The following TNFAIP2 variants were observed in gnomAD, a reference collection of about 807,000 sequenced individuals.
TNFAIP2 encodes TNF alpha induced protein 2, also known as tumor necrosis factor alpha-induced protein 2.
A neutral mutation model predicts 63.5 loss-of-function variants in TNFAIP2; 47 were observed. The ratio of observed to expected loss-of-function variants is 0.74; its 90% CI spans 0.59 to 0.94. TNFAIP2 has a LOEUF of 0.94. TNFAIP2 is among the 40% of genes least tolerant of loss of function. TNFAIP2 has a pLI of 0.00. For synonymous variants in TNFAIP2, 405 were observed against 390.2 expected (o/e 1.04, Z -0.45); for missense variants, 787 against 850.2 (o/e 0.93, Z 0.92).
Position 103,135,602 on chromosome 14 carries a change from A to C in TNFAIP2, c.*242A>C, listed in dbSNP as rs1469112609. On this transcript the variant is annotated 3_prime_UTR_variant, in exon 12 of 12. Coordinates refer to ENST00000560869, the MANE Select transcript of TNFAIP2 (RefSeq NM_006291.4). This position sits in a 1 kb window ranked among gnomAD's most constrained non-coding sequence, Gnocchi z 7.6. Reference sequence around the variant, plus strand: ...CTGGGCAGCCAACCAGGCAACACCAAGGACTCTTTGTAAACGATAGCTGAT... The same window carrying C: ...CTGGGCAGCCAACCAGGCAACACCACGGACTCTTTGTAAACGATAGCTGAT... The C allele has an allele frequency of 7.1e-7, 1 of 1,398,808 alleles. No homozygotes were observed. The highest frequency in any genetic ancestry group is 9.3e-7 in the Non-Finnish European group (1 of 1,077,262). The allele number at this position is 1,398,808 out of a possible 1,614,324, so 86.6% of individuals were successfully genotyped here.
At position 103,127,338 on chromosome 14, in the gene TNFAIP2, G is replaced by GGCGGC; in HGVS notation, c.576_580dup (p.Val194AlafsTer33). On this transcript the variant is annotated frameshift_variant, in exon 3 of 12. Transcript: ENST00000560869. LOFTEE classifies it high-confidence loss of function. This position sits in a 1 kb window ranked among gnomAD's most constrained non-coding sequence, Gnocchi z 5.1. ...CGCCCGCGGCGCTGGCTGCAGCTGT[G>GGCGGC]GCGGCGCGGCGTGGCGGAGGCGGCC... is the stretch of plus-strand genomic sequence containing the variant. 8.7e-7 allele frequency: 1 copy of GGCGGC among 1,147,996 alleles called. No homozygotes were observed. Among genetic ancestry groups the GGCGGC allele is most frequent in the Non-Finnish European group, 1.1e-6 (1 of 930,738 alleles). 71.1% of individuals were successfully genotyped at this position (1,147,996 alleles called of 1,614,324 possible).
intron 1 of TNFAIP2, chr14:103,124,382 G>A (rs1002696918): frequency 6.6e-6 from 1 of 152,382 alleles, no homozygotes; most frequent in Non-Finnish European, 1.5e-5. Flanking sequence ...CAGCTGCCTC[G>A]GAGAGCGGAG....
rs2087946964 is a variant in TNFAIP2 at position 103,130,336 on chromosome 14, A to C, written c.1120A>C (p.Lys374Gln). 4 of 1,563,990 alleles carry C rather than the reference A, an allele frequency of 2.6e-6. No individual in the cohort carries two copies. Among genetic ancestry groups the C allele is most frequent in the Middle Eastern group, 1.7e-4 (1 of 5,974 alleles). Residue 374 changes from lysine (K) to glutamine (Q), a missense_variant, in exon 6 of 12, where the codon AAG becomes CAG. Transcript: ENST00000560869. ...GCAGATCACCTCCCAGGCCCAGGCC[A>C]AGGCCGAGAGCATCACGCTGGACTT... ...IIQITSQAQA[K>Q]AESITLDLGS...
chr14:103,131,714 G>C lies in TNFAIP2; in HGVS notation c.1374G>C (p.Lys458Asn). The C allele has an allele frequency of 6.2e-7, 1 of 1,611,568 alleles. No homozygotes were observed. The highest frequency in any genetic ancestry group is 8.5e-7 in the Non-Finnish European group (1 of 1,179,784). Residue 458 changes from lysine (K) to asparagine (N), a missense_variant, in exon 8 of 12, where the codon AAG becomes AAC. By Grantham distance (94) the Lys-to-Asn change is moderately conservative. Around this residue, in one of 3 missense-constraint regions of TNFAIP2, gnomAD observed 523 missense variants for 604.1 expected, o/e 0.87. Coordinates refer to ENST00000560869, the MANE Select transcript of TNFAIP2 (RefSeq NM_006291.4). The surrounding 1 kb of genome is among the most constrained non-coding windows in gnomAD (Gnocchi z 4.0). Reference sequence around the variant, plus strand: ...TGCTGGGCCCCCTGGGTGAGCTCAAGAGCCACGGCTTTGACACCCTGCTCC... The same window carrying C: ...TGCTGGGCCCCCTGGGTGAGCTCAACAGCCACGGCTTTGACACCCTGCTCC... ...SLLLGPLGEL[K>N]SHGFDTLLQN...
Position 103,127,111 on chromosome 14 carries a change from C to T in TNFAIP2, c.342C>T (p.Ser114=). 3 of 1,100,376 alleles carry T rather than the reference C, an allele frequency of 2.7e-6. No homozygotes were observed. Among genetic ancestry groups the T allele is most frequent in the East Asian group, 5.5e-5 (1 of 18,218 alleles). The allele number at this position is 1,100,376 out of a possible 1,614,324, so 68.2% of individuals were successfully genotyped here. A position where few individuals can be genotyped will look rare whatever the true frequency, so the allele number is the denominator to read the frequency against. The part of the protein sequence containing the change: ...LAAAAAAGGV[S]EEELVRRQSK... ...CGGCGGCGGCGGCGGGCGGTGTGAGCGAGGAGGAGCTGGTGCGGCGCCAGA... is the reference window on the plus strand; with the variant it reads ...CGGCGGCGGCGGCGGGCGGTGTGAGTGAGGAGGAGCTGGTGCGGCGCCAGA... Residue 114 remains serine (S), a synonymous_variant, in exon 3 of 12, where the codon AGC becomes AGT. Transcript: ENST00000560869. The surrounding 1 kb of genome is among the most constrained non-coding windows in gnomAD (Gnocchi z 5.1).
chr14:103,130,318 A>G lies in TNFAIP2; in HGVS notation c.1102A>G (p.Thr368Ala). The G allele has an allele frequency of 6.4e-7, 1 of 1,555,840 alleles. No homozygotes were observed. Among genetic ancestry groups the G allele is most frequent in the East Asian group, 2.4e-5 (1 of 41,576 alleles). ...CTCACCCACCACCACCCTGCAGATC[A>G]CCTCCCAGGCCCAGGCCAAGGCCGA... Reference protein sequence around the residue: ...SELAIDIIQITSQAQAKAESI... With the variant: ...SELAIDIIQIASQAQAKAESI... The change falls in exon 6 of 12, where the codon ACC (threonine) becomes GCC (alanine). Residue 368 changes from threonine to alanine, a missense_variant. Coordinates refer to ENST00000560869, the MANE Select transcript of TNFAIP2 (RefSeq NM_006291.4).
chr14:103,126,841 G>A, intron 2 of TNFAIP2, 149 bp downstream of exon 2: 2 of 1,334,308 alleles, frequency 1.5e-6, no homozygotes, highest in Non-Finnish European at 2.0e-6. Context: ...CAATCTGGGG[G>A]GCTGGGAGGC....
At chr14:103,126,252 G>A (rs2087849397) in intron 1 of TNFAIP2, 58 bp from the exon 2 acceptor site, 1 of 527,480 alleles carries the variant, frequency 1.9e-6, no homozygotes, top group East Asian at 3.3e-5. Flanking sequence ...TGTGTGTCCA[G>A]CCTGGGAGCC....
At chr14:103,122,759 C>T (rs1177787315), upstream of TNFAIP2, 2 of 455,234 alleles carry the variant, frequency 4.4e-6, no homozygotes, top group African/African-American at 2.0e-5. Context: ...GGGTCCAGCC[C>T]CAGCCCCAGA....
chr14:103,133,746 AC>A lies in TNFAIP2; in HGVS notation c.1770del (p.Ser591ValfsTer22). The A allele has an allele frequency of 1.3e-6, 2 of 1,596,146 alleles. No homozygotes were observed. The highest frequency in any genetic ancestry group is 1.8e-5 in the Admixed American group (1 of 56,350). On this transcript the variant is annotated frameshift_variant, in exon 11 of 12. Transcript: ENST00000560869. LOFTEE classifies it high-confidence loss of function. Reference protein sequence around the residue: ...PTLAEIIRLQDPSAIKIEVAT... With the variant: ...PTLAEIIRLQXPSAIKIEVAT... ...CTGGCCGAGATCATTCGCCTGCAGGACCCCAGTGCCATCAAGATTGAGGTGG... is the reference window on the plus strand; with the variant it reads ...CTGGCCGAGATCATTCGCCTGCAGGACCCAGTGCCATCAAGATTGAGGTGG...
rs768648937 is a variant in TNFAIP2, at chr14:103,131,079, GGA to G, written c.1233_1234del (p.Gly412GlnfsTer44). 6.2e-7 allele frequency: 1 copy of G among 1,614,196 alleles called. No individual in the cohort carries two copies. Among genetic ancestry groups the G allele is most frequent in the East Asian group, 2.2e-5 (1 of 44,886 alleles). ...SYQRAFNEFL[E>X]RGKQLTNYRA... ...ACCAGCGCGCCTTTAATGAATTTCT[GGA>G]GAGAGGCAAGCAGCTGACGAATTAC... On this transcript the variant is annotated frameshift_variant, in exon 7 of 12. Coordinates refer to ENST00000560869, the MANE Select transcript of TNFAIP2 (RefSeq NM_006291.4). LOFTEE classifies it high-confidence loss of function. The surrounding 1 kb of genome is among the most constrained non-coding windows in gnomAD (Gnocchi z 4.0).
rs967106334 is a variant in TNFAIP2 at position 103,127,269 on chromosome 14, A to AGGC, written c.512_514dup (p.Ala171dup). ...GCGGAGCAGGAGCGCGAGGACCGCC[A>AGGC]GGCGGCGGCGGCGGGGCCGGGGACC... On this transcript the variant is annotated inframe_insertion, in exon 3 of 12. Coordinates refer to ENST00000560869, the MANE Select transcript of TNFAIP2 (RefSeq NM_006291.4). This position sits in a 1 kb window ranked among gnomAD's most constrained non-coding sequence, Gnocchi z 5.1. 180 of 997,330 alleles carry AGGC rather than the reference A, an allele frequency of 1.8e-4. 2 individuals are homozygous for AGGC. The highest frequency in any genetic ancestry group is 3.2e-4 in the South Asian group (7 of 22,148). 61.8% of individuals were successfully genotyped at this position (997,330 alleles called of 1,614,324 possible).
chr14:103,130,692 A>T (rs1595282684), intron 6 of TNFAIP2, among the ~76,000 whole-genome samples: 1 of 152,120 alleles, frequency 6.6e-6, no homozygotes, highest in Non-Finnish European at 1.5e-5. Context: ...CCCAGGAGGG[A>T]CTGAGACCCC....
chr14:103,133,912 G>A (rs1012787054), intron 11 of TNFAIP2, 109 bp downstream of exon 11: 7 of 1,368,224 alleles, frequency 5.1e-6, no homozygotes, highest in Non-Finnish European at 6.8e-6. Context: ...GCCAGTCACT[G>A]TGTGAACCTC....
chr14:103,134,932 G>T (rs532208983), intron 11 of TNFAIP2, among the ~76,000 whole-genome samples: 3 of 152,346 alleles, frequency 2.0e-5, no homozygotes, highest in East Asian at 3.9e-4. Flanking sequence ...AAAGCCTTTT[G>T]GGGGTGGACA....
chr14:103,129,620 G>T (rs1416904179), intron 3 of TNFAIP2, 120 bp from the exon 4 acceptor site: 13 of 807,340 alleles, frequency 1.6e-5, no homozygotes, highest in Non-Finnish European at 2.7e-5. Flanking sequence ...GTGGGGGTGC[G>T]GGAGGGTGTG....
chr14:103,131,133 C>G lies in TNFAIP2; in HGVS notation c.1281C>G (p.Asn427Lys), dbSNP rs2087963340. ...NYRANVIANI[N>K]NCLSFRMSME... Reference sequence around the variant, plus strand: ...GGGCCAATGTTATTGCCAACATCAACAACTGCCTGTCCTTCCGGTGAGAGT... The same window carrying G: ...GGGCCAATGTTATTGCCAACATCAAGAACTGCCTGTCCTTCCGGTGAGAGT... Residue 427 changes from asparagine (N) to lysine (K), a missense_variant, in exon 7 of 12, where the codon AAC (asparagine) becomes AAG (lysine). This residue lies in a region of TNFAIP2 where 523 missense variants were observed against 604.1 expected (regional missense o/e 0.87). Transcript: ENST00000560869. This position sits in a 1 kb window ranked among gnomAD's most constrained non-coding sequence, Gnocchi z 4.0. 1 of 1,614,072 alleles carries G rather than the reference C, an allele frequency of 6.2e-7. No homozygotes were observed. The highest frequency in any genetic ancestry group is 8.5e-7 in the Non-Finnish European group (1 of 1,180,040).
chr14:103,131,529 T>A lies in TNFAIP2; in HGVS notation c.1299-110T>A. 2 of 1,385,062 alleles carry A rather than the reference T, an allele frequency of 1.4e-6. No homozygotes were observed. Among genetic ancestry groups the A allele is most frequent in the Non-Finnish European group, 1.9e-6 (2 of 1,044,432 alleles). The allele number at this position is 1,385,062 out of a possible 1,614,324, so 85.8% of individuals were successfully genotyped here. A position where few individuals can be genotyped will look rare whatever the true frequency, so the allele number is the denominator to read the frequency against. On this transcript the variant is annotated intron_variant, in intron 7 of 11. Transcript: ENST00000560869. This position sits in a 1 kb window ranked among gnomAD's most constrained non-coding sequence, Gnocchi z 4.0. Reference sequence around the variant, plus strand: ...TGGGAGGACTTGATCCCATAGAGAATGGGGAGCCATTGAGGGTTCTAGAGT... The same window carrying A: ...TGGGAGGACTTGATCCCATAGAGAAAGGGGAGCCATTGAGGGTTCTAGAGT...
In TNFAIP2 at chr14:103,135,917, T is replaced by G. The variant is rs1255456903; in HGVS notation, c.*557T>G. 7.8e-7 allele frequency: 1 copy of G among 1,289,810 alleles called. No homozygotes were observed. Among genetic ancestry groups the G allele is most frequent in the East Asian group, 5.5e-5 (1 of 18,058 alleles). The allele number at this position is 1,289,810 out of a possible 1,614,324, so 79.9% of individuals were successfully genotyped here. A position where few individuals can be genotyped will look rare whatever the true frequency, so the allele number is the denominator to read the frequency against. The stretch of plus-strand genomic sequence containing the variant: ...TCTGGCAGGGGCTTTTAGGGTCCTG[T>G]GGCGAGCTGTGAGCACCGCCAGCAT... On this transcript the variant is annotated 3_prime_UTR_variant, in exon 12 of 12. Transcript: ENST00000560869. The surrounding 1 kb of genome is among the most constrained non-coding windows in gnomAD (Gnocchi z 7.6).
Sources: gnomAD v4.1 joint callset for allele counts (sites outside exome capture counted in the v4.1 genomes callset) on GRCh38, gnomAD v4.1.1 for gene constraint, gnomAD v4.1.1 regional missense constraint, Gnocchi (gnomAD v3.1) non-coding constraint, MANE v1.5 for transcripts, NCBI Gene and HGNC (gene_info 2026-07-23, HGNC 2026-07-21) for gene names.